The following NEK10 variants were observed in gnomAD, a reference collection of about 807,000 sequenced individuals.
NEK10 encodes NIMA related kinase 10, also known as serine/threonine-protein kinase Nek10.
In NEK10, 122 loss-of-function variants were observed where a neutral mutation model predicts 159.8. The observed-to-expected ratio is 0.76, with a 90% CI of 0.66 to 0.89. The LOEUF (loss-of-function observed/expected upper bound fraction) is 0.89. NEK10 is among the 40% of genes least tolerant of loss of function. The pLI is 0.00. For synonymous variants in NEK10, 466 were observed against 457.1 expected (o/e 1.02, Z -0.25); for missense variants, 1,342 against 1,323.1 (o/e 1.01, Z -0.22).
chr3:27,330,795 A>G (rs1042924746), intron 5 of NEK10, among the ~76,000 whole-genome samples: 1 of 152,176 alleles, frequency 6.6e-6, no homozygotes, highest in African/African-American at 2.4e-5. Context: ...AATAACTTTC[A>G]TAGGAACAGA....
At chr3:27,248,229 C>T (rs1054761416) in intron 23 of NEK10, among the ~76,000 whole-genome samples, 1 of 151,996 alleles carries the variant, frequency 6.6e-6, no homozygotes, top group Non-Finnish European at 1.5e-5. Flanking sequence ...TTTTTCATCC[C>T]TGATTGTATT....
chr3:27,368,373 A>T (rs1350050538), intron 1 of NEK10, among the ~76,000 whole-genome samples: 1 of 151,976 alleles, frequency 6.6e-6, no homozygotes, highest in Non-Finnish European at 1.5e-5. Context: ...TGGGGAAAAA[A>T]GTGGATTGGA....
chr3:27,174,392 T>C (rs1947302716), intron 28 of NEK10, 47 bp downstream of exon 28: 3 of 1,604,750 alleles, frequency 1.9e-6, no homozygotes, highest in Non-Finnish European at 2.5e-6. Context: ...TCCAAACCAC[T>C]GTCTTCCGGA....
chr3:27,149,595 A>AT (rs1479166871), intron 30 of NEK10, among the ~76,000 whole-genome samples: 8 of 152,144 alleles, frequency 5.3e-5, no homozygotes, highest in Non-Finnish European at 7.4e-5. Flanking sequence ...CACTCATATA[A>AT]GATAGTAAAC....
chr3:27,206,815 G>A (rs1950583151), intron 23 of NEK10, among the ~76,000 whole-genome samples: 1 of 152,086 alleles, frequency 6.6e-6, no homozygotes, highest in Admixed American at 6.6e-5. Flanking sequence ...TTCAAGCACT[G>A]TTTCTGAGGT....
At chr3:27,262,737 T>A (rs1174497502) in intron 22 of NEK10, among the ~76,000 whole-genome samples, 2 of 152,104 alleles carry the variant, frequency 1.3e-5, no homozygotes, top group Non-Finnish European at 2.9e-5. Context: ...ATTCATCTAA[T>A]TTTTTTTCAA....
At chr3:27,211,167 T>C (rs561353344) in intron 23 of NEK10, among the ~76,000 whole-genome samples, 12 of 152,322 alleles carry the variant, frequency 7.9e-5, no homozygotes, top group African/African-American at 2.4e-4. Flanking sequence ...TCAGTGGACA[T>C]TGACAGAATG....
At chr3:27,229,164 A>G (rs996514100) in intron 23 of NEK10, among the ~76,000 whole-genome samples, 1 of 152,182 alleles carries the variant, frequency 6.6e-6, no homozygotes, top group Non-Finnish European at 1.5e-5. Context: ...AACCCAATAG[A>G]AGACAGTGAA....
intron 26 of NEK10, among the ~76,000 whole-genome samples, chr3:27,188,281 A>G (rs2148957559): frequency 6.6e-6 from 1 of 152,314 alleles, no homozygotes; most frequent in East Asian, 1.9e-4. Context: ...ATCATTAGAA[A>G]GTTCCTCCTG....
At chr3:27,296,895 T>C (rs755350154) in intron 14 of NEK10, among the ~76,000 whole-genome samples, 1 of 152,142 alleles carries the variant, frequency 6.6e-6, no homozygotes, top group Non-Finnish European at 1.5e-5. Flanking sequence ...ATTAATGCAA[T>C]TCAGAGTATC....
At chr3:27,268,039 T>A (rs1386096546) in intron 22 of NEK10, among the ~76,000 whole-genome samples, 1 of 152,182 alleles carries the variant, frequency 6.6e-6, no homozygotes, top group Non-Finnish European at 1.5e-5. Flanking sequence ...GGACAGAAGG[T>A]CAAACCAACA....
intron 22 of NEK10, among the ~76,000 whole-genome samples, chr3:27,269,531 T>A: frequency 6.6e-6 from 1 of 152,234 alleles, no homozygotes; most frequent in East Asian, 1.9e-4. Context: ...AGCAACGAAT[T>A]ATGTTTTAAT....
chr3:27,331,322 T>C (rs1329864356), intron 5 of NEK10, among the ~76,000 whole-genome samples: 1 of 149,954 alleles, frequency 6.7e-6, no homozygotes, highest in Non-Finnish European at 1.5e-5. Flanking sequence ...CAGTCTATGG[T>C]GCTAACTTGA....
intron 22 of NEK10, among the ~76,000 whole-genome samples, chr3:27,264,856 T>C (rs910993923): frequency 6.6e-6 from 1 of 151,730 alleles, no homozygotes; most frequent in Non-Finnish European, 1.5e-5. Flanking sequence ...ATCACATCAC[T>C]GCACTCCAGC....
chr3:27,329,180 G>A (rs1254010196), intron 5 of NEK10, among the ~76,000 whole-genome samples: 1 of 152,150 alleles, frequency 6.6e-6, no homozygotes, highest in Non-Finnish European at 1.5e-5. Context: ...TTTGCCTGCT[G>A]CCATCCATGT....
intron 25 of NEK10, among the ~76,000 whole-genome samples, chr3:27,199,002 G>A (rs1248218495): frequency 6.7e-6 from 1 of 150,270 alleles, no homozygotes; most frequent in African/African-American, 2.5e-5. Context: ...GAACCTGGGA[G>A]GTGGAGGTTG....
intron 23 of NEK10, among the ~76,000 whole-genome samples, chr3:27,207,922 A>T (rs1473666600): frequency 1.3e-5 from 2 of 152,190 alleles, no homozygotes; most frequent in East Asian, 3.9e-4. Flanking sequence ...TGTGCCAGTA[A>T]GTACCATTTA....
intron 35 of NEK10, among the ~76,000 whole-genome samples, chr3:27,115,543 G>A (rs1212369421): frequency 2.0e-5 from 3 of 152,122 alleles, no homozygotes; most frequent in African/African-American, 7.2e-5. Flanking sequence ...GTTGCACTTT[G>A]TCCCTAGCCT....
At chr3:27,327,712 A>C (rs2046106735) in intron 5 of NEK10, among the ~76,000 whole-genome samples, 1 of 152,134 alleles carries the variant, frequency 6.6e-6, no homozygotes, top group Non-Finnish European at 1.5e-5. Context: ...GACAATGTTG[A>C]CTGTATTTGT....
Sources: allele counts gnomAD v4.1 joint callset (sites outside exome capture counted in the v4.1 genomes callset), GRCh38; gene constraint gnomAD v4.1.1; transcripts MANE v1.5; gene names NCBI Gene and HGNC (gene_info 2026-07-23, HGNC 2026-07-21).